LRRC4C: variants seen among roughly 807,000 people sequenced by gnomAD.
The protein encoded by LRRC4C is leucine rich repeat containing 4C, also known as leucine-rich repeat-containing protein 4C.
Under a neutral mutation model 33.6 loss-of-function variants are expected in LRRC4C, and 5 were observed. The ratio of observed to expected loss-of-function variants is 0.15; its 90% confidence interval spans 0.08 to 0.31. LRRC4C has a LOEUF of 0.31. LRRC4C is among the 10% of genes least tolerant of loss of function. LRRC4C has a pLI of 1.00. For missense variants in LRRC4C, 560 were observed against 796.7 expected (o/e 0.70, Z 3.58); for synonymous variants, 329 against 302.0 (o/e 1.09, Z -0.93).
chr11:41,413,428 A>T (rs1291980712), intron 1 of LRRC4C, among the ~76,000 whole-genome samples: 1 of 152,226 alleles, frequency 6.6e-6, no homozygotes, highest in Admixed American at 6.5e-5. Context: ...CATGATAAAC[A>T]CTTGTTCAAA....
chr11:40,648,694 CA>C (rs1332478628), intron 2 of LRRC4C, among the ~76,000 whole-genome samples: 1 of 152,154 alleles, frequency 6.6e-6, no homozygotes, highest in Admixed American at 6.5e-5. Context: ...TCAGTCAGCA[CA>C]GTAATATTTC....
intron 1 of LRRC4C, among the ~76,000 whole-genome samples, chr11:41,397,431 T>C (rs1953862537): frequency 1.3e-5 from 2 of 151,986 alleles, no homozygotes; most frequent in Non-Finnish European, 2.9e-5. Flanking sequence ...ATCTTCCTTA[T>C]AATTTTCTAA....
chr11:40,696,409 T>C (rs1188376386), intron 2 of LRRC4C, among the ~76,000 whole-genome samples: 2 of 148,226 alleles, frequency 1.3e-5, no homozygotes, highest in Non-Finnish European at 3.0e-5. Context: ...ACACACCATA[T>C]ATATATATAT....
intron 2 of LRRC4C, among the ~76,000 whole-genome samples, chr11:40,746,732 A>G (rs1948446203): frequency 6.6e-6 from 1 of 151,878 alleles, no homozygotes; most frequent in Non-Finnish European, 1.5e-5. Flanking sequence ...GTCCATCACC[A>G]TGGTCCCCTG....
chr11:40,165,070 T>C (rs1010552468), intron 5 of LRRC4C, among the ~76,000 whole-genome samples: 9 of 152,202 alleles, frequency 5.9e-5, no homozygotes, highest in Admixed American at 5.9e-4. Context: ...TATGAATATA[T>C]CCTCAAGGAA....
intron 3 of LRRC4C, among the ~76,000 whole-genome samples, chr11:40,473,642 A>G (rs1268136854): frequency 6.6e-6 from 1 of 152,170 alleles, no homozygotes; most frequent in Non-Finnish European, 1.5e-5. Context: ...GTACTCAAAT[A>G]GGAAGAGGGG....
At chr11:40,999,278 GA>G (rs145735123) in intron 1 of LRRC4C, among the ~76,000 whole-genome samples, 2,894 of 152,106 alleles carry the variant, frequency 0.019, 103 homozygotes, top group African/African-American at 0.065. Context: ...CCTCTGTAGA[GA>G]TTTCTAACTC....
intron 1 of LRRC4C, among the ~76,000 whole-genome samples, chr11:41,343,635 T>C (rs772022755): frequency 5.9e-5 from 9 of 152,204 alleles, no homozygotes; most frequent in African/African-American, 1.7e-4. Flanking sequence ...TCCAACCCAG[T>C]AGGAAAAATG....
intron 2 of LRRC4C, among the ~76,000 whole-genome samples, chr11:40,663,509 A>C (rs1943556064): frequency 6.6e-6 from 1 of 152,238 alleles, no homozygotes; most frequent in African/African-American, 2.4e-5. Flanking sequence ...TAGAAATGTC[A>C]AAATGTTGGA....
At chr11:41,265,868 TTTC>T (rs1949132890) in intron 1 of LRRC4C, among the ~76,000 whole-genome samples, 1 of 11,806 alleles carries the variant, frequency 8.5e-5, no homozygotes, top group African/African-American at 4.2e-4. Context: ...CCATGGGTCT[TTTC>T]TTTTTTTAAA....
intron 1 of LRRC4C, among the ~76,000 whole-genome samples, chr11:41,264,456 C>T (rs1949085370): frequency 6.6e-6 from 1 of 151,968 alleles, no homozygotes. Context: ...TCAAATGGCT[C>T]AAACTGTTGA....
chr11:41,330,710 T>C (rs894872609), intron 1 of LRRC4C, among the ~76,000 whole-genome samples: 2 of 152,130 alleles, frequency 1.3e-5, no homozygotes, highest in African/African-American at 4.8e-5. Context: ...TCCAAGTAAC[T>C]GGAACTACAG....
At chr11:40,371,499 T>C (rs376259806) in intron 3 of LRRC4C, among the ~76,000 whole-genome samples, 1 of 152,212 alleles carries the variant, frequency 6.6e-6, no homozygotes, top group East Asian at 1.9e-4. Context: ...AAATTTCTAA[T>C]CAGAGTGTAA....
At chr11:41,411,064 A>C (rs79205885) in intron 1 of LRRC4C, among the ~76,000 whole-genome samples, 11,624 of 151,072 alleles carry the variant, frequency 0.077, 1,489 homozygotes, top group African/African-American at 0.27. Context: ...AAAAGACCAG[A>C]GATCTTTATC....
intron 2 of LRRC4C, among the ~76,000 whole-genome samples, chr11:40,807,795 T>C (rs746477925): frequency 2.6e-5 from 4 of 152,190 alleles, no homozygotes; most frequent in African/African-American, 7.2e-5. Flanking sequence ...GCTATTCTAA[T>C]TGTATGGGAT....
intron 1 of LRRC4C, among the ~76,000 whole-genome samples, chr11:40,974,290 C>A (rs756189920): frequency 2.6e-5 from 4 of 152,040 alleles, no homozygotes; most frequent in African/African-American, 4.8e-5. Context: ...TTAATCTCTA[C>A]CAGATGAAGA....
intron 3 of LRRC4C, among the ~76,000 whole-genome samples, chr11:40,414,692 C>T (rs1465815273): frequency 6.6e-6 from 1 of 151,992 alleles, no homozygotes; most frequent in Non-Finnish European, 1.5e-5. Context: ...GAAACATTCC[C>T]TTTTGGAACT....
chr11:41,210,250 A>C (rs1025290149), intron 1 of LRRC4C, among the ~76,000 whole-genome samples: 3 of 152,124 alleles, frequency 2.0e-5, no homozygotes, highest in Admixed American at 2.0e-4. Context: ...TCTCATCTTG[A>C]ATTGTAGCTC....
intron 5 of LRRC4C, among the ~76,000 whole-genome samples, chr11:40,201,035 G>T (rs1862705974): frequency 6.6e-6 from 1 of 152,172 alleles, no homozygotes; most frequent in Non-Finnish European, 1.5e-5. Context: ...TAGTGTGTGT[G>T]TTTATGTGAT....
Sources: gnomAD v4.1 joint callset for allele counts (sites outside exome capture counted in the v4.1 genomes callset) on GRCh38, gnomAD v4.1.1 for gene constraint, MANE v1.5 for transcripts, NCBI Gene and HGNC (gene_info 2026-07-23, HGNC 2026-07-21) for gene names.